PTPRJ: variants seen among roughly 807,000 people sequenced by gnomAD.
PTPRJ encodes receptor-type tyrosine-protein phosphatase eta.
PTPRJ carries 129 observed loss-of-function variants against 141.3 expected under a neutral mutation model. That is an observed-to-expected ratio of 0.91 (90% CI 0.79 to 1.06). The LOEUF (loss-of-function observed/expected upper bound fraction) is 1.06, where lower values mean the gene tolerates loss of function less well. Ranked by LOEUF, PTPRJ falls within the 50% of genes least tolerant of loss-of-function variation. PTPRJ has a pLI of 0.00. For synonymous variants in PTPRJ, 610 were observed against 640.5 expected (o/e 0.95, Z 0.72); for missense variants, 1,601 against 1,679.7 (o/e 0.95, Z 0.82).
chr11:48,167,328 C>T lies in PTPRJ; in HGVS notation c.3980C>T (p.Thr1327Ile). Residue 1327 changes from threonine to isoleucine, a missense_variant, in exon 25 of 25, where the codon ACC becomes ATC. Transcript: ENST00000418331. ...ATCTATGAAAACCTTGCGCCCGTGA[C>T]CACATTTGGAAAGACCAATGGTTAC... is the stretch of plus-strand genomic sequence containing the variant. ...MTIYENLAPV[T>I]TFGKTNGYIA is the part of the protein sequence containing the mutation. The T allele has an allele frequency of 6.2e-7, 1 of 1,614,096 alleles. No individual in the cohort carries two copies. The highest frequency in any genetic ancestry group is 1.1e-5 in the South Asian group (1 of 91,076).
chr11:48,126,737 T>C (rs1590534320), intron 6 of PTPRJ, among the ~76,000 whole-genome samples: 2 of 150,704 alleles, frequency 1.3e-5, no homozygotes, highest in African/African-American at 4.9e-5. Context: ...AATTTCAACA[T>C]AGGAATTTTA....
intron 1 of PTPRJ, among the ~76,000 whole-genome samples, chr11:48,037,618 C>T (rs183896376): frequency 6.6e-6 from 1 of 152,256 alleles, no homozygotes; most frequent in Non-Finnish European, 1.5e-5. Flanking sequence ...TCGAGACCAG[C>T]CTGGCCAACA....
At chr11:48,105,314 T>G (rs1388738201) in intron 1 of PTPRJ, among the ~76,000 whole-genome samples, 1 of 152,104 alleles carries the variant, frequency 6.6e-6, no homozygotes, top group Non-Finnish European at 1.5e-5. Flanking sequence ...CTCTGCATCT[T>G]TGGCACCTAA....
chr11:47,987,523 A>G (rs1441583787), intron 1 of PTPRJ, among the ~76,000 whole-genome samples: 2 of 152,192 alleles, frequency 1.3e-5, no homozygotes, highest in South Asian at 2.1e-4. Flanking sequence ...CTCAGATAGC[A>G]CCAACCAACC....
intron 1 of PTPRJ, among the ~76,000 whole-genome samples, chr11:47,994,329 T>G (rs963866626): frequency 1.3e-5 from 2 of 152,130 alleles, no homozygotes; most frequent in Middle Eastern, 3.2e-3. Flanking sequence ...ACCTCCTACA[T>G]GTGCTTTGTA....
chr11:48,090,745 G>C (rs1855848805), intron 1 of PTPRJ, among the ~76,000 whole-genome samples: 1 of 152,160 alleles, frequency 6.6e-6, no homozygotes, highest in South Asian at 2.1e-4. Flanking sequence ...CCTTTCCTGA[G>C]AAGAGCATGG....
At chr11:48,162,858 A>G (rs1452764137) in intron 22 of PTPRJ, among the ~76,000 whole-genome samples, 1 of 152,130 alleles carries the variant, frequency 6.6e-6, no homozygotes, top group African/African-American at 2.4e-5. Context: ...AGATGTTGAA[A>G]TGGATGGTTT....
At chr11:48,076,072 A>C (rs1367722237) in intron 1 of PTPRJ, among the ~76,000 whole-genome samples, 1 of 152,164 alleles carries the variant, frequency 6.6e-6, no homozygotes, top group African/African-American at 2.4e-5. Flanking sequence ...GAATTACCCT[A>C]TAGGAAGAAC....
At position 48,142,940 on chromosome 11, in the gene PTPRJ, C is replaced by A. The variant is rs1421349646; in HGVS notation, c.2465C>A (p.Ser822Tyr). The A allele has an allele frequency of 1.2e-6, 2 of 1,613,984 alleles. No homozygotes were observed. The highest frequency in any genetic ancestry group is 3.3e-5 in the Admixed American group (2 of 60,016). Residue 822 changes from serine to tyrosine, a missense_variant, in exon 12 of 25, where the codon TCC (serine) becomes TAC (tyrosine). Coordinates refer to ENST00000418331, the MANE Select transcript of PTPRJ (RefSeq NM_002843.4). ...TTAGATCCCCCTCCTCCAGATGGAT[C>A]CCCTAATATTACATCTGTCAGTCAC... ...GITDPPPPDG[S>Y]PNITSVSHNS... is the part of the protein sequence containing the mutation.
intron 21 of PTPRJ, among the ~76,000 whole-genome samples, chr11:48,157,628 C>G (rs1381550087): frequency 2.0e-5 from 3 of 152,196 alleles, no homozygotes; most frequent in Non-Finnish European, 2.9e-5. Context: ...GGGAGCCCTT[C>G]AGGCATCATT....
intron 1 of PTPRJ, among the ~76,000 whole-genome samples, chr11:48,077,338 C>G (rs1198560196): frequency 6.6e-6 from 1 of 152,132 alleles, no homozygotes; most frequent in Non-Finnish European, 1.5e-5. Flanking sequence ...GACCTCACAC[C>G]CAGTTCTTCT....
chr11:48,014,140 C>G (rs907596252), intron 1 of PTPRJ, among the ~76,000 whole-genome samples: 11 of 152,138 alleles, frequency 7.2e-5, no homozygotes, highest in Admixed American at 7.2e-4. Context: ...TTGGGACTAT[C>G]TCTCTATGGG....
chr11:48,064,766 G>C (rs947933097), intron 1 of PTPRJ, among the ~76,000 whole-genome samples: 16 of 151,828 alleles, frequency 1.1e-4, no homozygotes, highest in Non-Finnish European at 2.2e-4. Context: ...ACGGGCCCGA[G>C]AACTGAGTCT....
chr11:48,145,789 C>T (rs1207967179), intron 14 of PTPRJ, among the ~76,000 whole-genome samples: 1 of 152,002 alleles, frequency 6.6e-6, no homozygotes, highest in East Asian at 1.9e-4. Flanking sequence ...GAACTCCTGA[C>T]CTCAGGTGAT....
intron 21 of PTPRJ, 53 bp downstream of exon 21, chr11:48,156,172 T>C (rs1246606001): frequency 4.1e-6 from 6 of 1,456,818 alleles, no homozygotes; most frequent in Non-Finnish European, 5.7e-6. Context: ...TTGCTTTTTA[T>C]TGTGGCAGAA....
intron 1 of PTPRJ, among the ~76,000 whole-genome samples, chr11:48,051,524 C>T (rs936862486): frequency 6.6e-6 from 1 of 152,128 alleles, no homozygotes; most frequent in African/African-American, 2.4e-5. Context: ...TCCTGGTGTT[C>T]AGAGAGGTTT....
At chr11:48,094,595 G>A (rs1325483454) in intron 1 of PTPRJ, among the ~76,000 whole-genome samples, 1 of 152,128 alleles carries the variant, frequency 6.6e-6, no homozygotes, top group Non-Finnish European at 1.5e-5. Flanking sequence ...CAAGGATTTG[G>A]AGAACCCCAG....
intron 1 of PTPRJ, among the ~76,000 whole-genome samples, chr11:48,031,076 C>T (rs1319251196): frequency 6.6e-6 from 1 of 152,238 alleles, no homozygotes; most frequent in Non-Finnish European, 1.5e-5. Context: ...TACTCCTCTG[C>T]TCACCTCTAA....
chr11:48,116,899 A>C (rs562829969), intron 3 of PTPRJ, among the ~76,000 whole-genome samples: 1 of 152,212 alleles, frequency 6.6e-6, no homozygotes, highest in South Asian at 2.1e-4. Context: ...TTTTGTTAAC[A>C]TATTTCTTTT....
Sources: gnomAD v4.1 joint callset for allele counts (sites outside exome capture counted in the v4.1 genomes callset) on GRCh38, gnomAD v4.1.1 for gene constraint, MANE v1.5 for transcripts, NCBI Gene and HGNC (gene_info 2026-07-23, HGNC 2026-07-21) for gene names.